Variants in CRADD observed in about 807,000 individuals in gnomAD.
CRADD encodes death domain-containing protein CRADD.
A neutral mutation model predicts 15.5 loss-of-function variants in CRADD; 9 were observed. The ratio of observed to expected loss-of-function variants is 0.58; its 90% CI spans 0.35 to 1.01. The LOEUF is 1.01. Ranked by LOEUF, CRADD falls within the 50% of genes least tolerant of loss-of-function variation. CRADD has a pLI of 0.02. For missense variants in CRADD, 227 were observed against 250.3 expected, an observed-to-expected ratio of 0.91 and a Z score of 0.63; for synonymous variants, 118 against 107.6, an observed-to-expected ratio of 1.10 and a Z score of -0.60.
chr12:93,844,508 A>G (rs1958089848), intron 2 of CRADD, among the ~76,000 whole-genome samples: 1 of 152,078 alleles, frequency 6.6e-6, no homozygotes, highest in Non-Finnish European at 1.5e-5. Flanking sequence ...GCCTGTGTCC[A>G]CAGACTGCTG....
chr12:93,678,925 C>T lies in CRADD; in HGVS notation c.151C>T (p.Leu51Phe), dbSNP rs4332566. 6 of 1,614,048 alleles carry T rather than the reference C, an allele frequency of 3.7e-6. No homozygotes were observed. The African/African-American group carries it at 6.7e-5, about 18-fold the overall frequency. The change falls in exon 2 of 3, where the codon CTC becomes TTC. Residue 51 changes from leucine to phenylalanine, a missense_variant. Coordinates refer to ENST00000332896, the MANE Select transcript of CRADD (RefSeq NM_003805.5). ...AGAAATCAATGCTCAAACCACAGGCCTCCGGAAAACAATGCTCCTGCTGGA... is the reference window on the plus strand; with the variant it reads ...AGAAATCAATGCTCAAACCACAGGCTTCCGGAAAACAATGCTCCTGCTGGA... ...IQEINAQTTG[L>F]RKTMLLLDIL...
intron 2 of CRADD, among the ~76,000 whole-genome samples, chr12:93,829,079 A>G (rs989358467): frequency 3.3e-5 from 5 of 152,126 alleles, no homozygotes; most frequent in African/African-American, 1.2e-4. Flanking sequence ...GGATACAAGG[A>G]AAAATAAAAT....
chr12:93,866,004 A>C (rs1490595250), intron 2 of CRADD, among the ~76,000 whole-genome samples: 5 of 152,140 alleles, frequency 3.3e-5, no homozygotes, highest in African/African-American at 9.7e-5. Flanking sequence ...ATTATTGAGA[A>C]GATTAATGGT....
chr12:93,857,566 T>G (rs10745667), intron 2 of CRADD, among the ~76,000 whole-genome samples: 67,629 of 152,086 alleles, frequency 0.44, 15,360 homozygotes, highest in Middle Eastern at 0.58. Context: ...GTGGTTTATC[T>G]TTGTCCATTT....
At chr12:93,740,176 C>T (rs969376523) in intron 2 of CRADD, among the ~76,000 whole-genome samples, 1 of 151,944 alleles carries the variant, frequency 6.6e-6, no homozygotes, top group African/African-American at 2.4e-5. Flanking sequence ...TAGCAGTAAC[C>T]TCATCTGTTT....
intron 2 of CRADD, among the ~76,000 whole-genome samples, chr12:93,724,537 C>T (rs1956320123): frequency 6.6e-6 from 1 of 152,150 alleles, no homozygotes; most frequent in Non-Finnish European, 1.5e-5. Flanking sequence ...AGCCTTTTTA[C>T]TTGTTAGGAT....
At chr12:93,890,522 G>A (rs1240423494) in intron 2 of CRADD, among the ~76,000 whole-genome samples, 1 of 152,150 alleles carries the variant, frequency 6.6e-6, no homozygotes, top group Non-Finnish European at 1.5e-5. Context: ...TGGGACCTCT[G>A]TCCGTGCAGG....
intron 2 of CRADD, among the ~76,000 whole-genome samples, chr12:93,881,235 G>C (rs1958497683): frequency 1.3e-5 from 2 of 152,182 alleles, no homozygotes; most frequent in Admixed American, 6.5e-5. Flanking sequence ...TGAGGATTAA[G>C]AAAGACTGAG....
chr12:93,690,863 T>C (rs917542269), intron 2 of CRADD, among the ~76,000 whole-genome samples: 1 of 152,220 alleles, frequency 6.6e-6, no homozygotes. Context: ...GCAGCTTCTT[T>C]ATTTTCTGAC....
chr12:93,789,224 T>G (rs1957321979), intron 2 of CRADD, among the ~76,000 whole-genome samples: 1 of 152,028 alleles, frequency 6.6e-6, no homozygotes, highest in African/African-American at 2.4e-5. Context: ...AAGAAGTACC[T>G]GATGCAGTCA....
intron 2 of CRADD, among the ~76,000 whole-genome samples, chr12:93,886,911 T>C (rs1162645472): frequency 6.6e-6 from 1 of 152,202 alleles, no homozygotes; most frequent in Non-Finnish European, 1.5e-5. Context: ...GACGCTAATA[T>C]TTATTCACTG....
chr12:93,697,797 A>C (rs927431037), intron 2 of CRADD, among the ~76,000 whole-genome samples: 1 of 152,200 alleles, frequency 6.6e-6, no homozygotes, highest in African/African-American at 2.4e-5. Flanking sequence ...TACATGACAC[A>C]GGAACTTTTA....
chr12:93,838,195 A>C (rs1475497557), intron 2 of CRADD, among the ~76,000 whole-genome samples: 1 of 146,490 alleles, frequency 6.8e-6, no homozygotes, highest in East Asian at 2.0e-4. Context: ...AAGGGGTTCT[A>C]ATTAGTTTTC....
chr12:93,791,358 A>T (rs4761745), intron 2 of CRADD, among the ~76,000 whole-genome samples: 63,694 of 151,864 alleles, frequency 0.42, 13,799 homozygotes, highest in East Asian at 0.65. Flanking sequence ...AAGGAAGGAA[A>T]CCCTGTCATT....
chr12:93,741,879 A>G (rs1021743467), intron 2 of CRADD, among the ~76,000 whole-genome samples: 15 of 152,146 alleles, frequency 9.9e-5, no homozygotes, highest in Admixed American at 5.2e-4. Context: ...TGCTCTTTCT[A>G]GGCTCTTCCC....
intron 2 of CRADD, among the ~76,000 whole-genome samples, chr12:93,689,477 T>C (rs181595856): frequency 6.6e-6 from 1 of 152,348 alleles, no homozygotes; most frequent in Admixed American, 6.5e-5. Context: ...AGGTATGTTG[T>C]GTTTTTTCCA....
chr12:93,847,807 T>C (rs1032964307), intron 2 of CRADD, among the ~76,000 whole-genome samples: 2 of 152,234 alleles, frequency 1.3e-5, no homozygotes, highest in African/African-American at 4.8e-5. Flanking sequence ...ATAGAGTATT[T>C]CTATAAAAAC....
intron 2 of CRADD, among the ~76,000 whole-genome samples, chr12:93,877,118 G>A (rs951141863): frequency 6.6e-6 from 1 of 152,192 alleles, no homozygotes; most frequent in Non-Finnish European, 1.5e-5. Context: ...GAAGTATCTG[G>A]AGAACCAGGC....
chr12:93,758,047 T>A (rs1956910799), intron 2 of CRADD, among the ~76,000 whole-genome samples: 1 of 152,234 alleles, frequency 6.6e-6, no homozygotes, highest in Non-Finnish European at 1.5e-5. Context: ...CATTAGAGTT[T>A]AGTCATGTGT....
Sources: allele counts gnomAD v4.1 joint callset (sites outside exome capture counted in the v4.1 genomes callset), GRCh38; gene constraint gnomAD v4.1.1; transcripts MANE v1.5; gene names NCBI Gene and HGNC (gene_info 2026-07-23, HGNC 2026-07-21).